The following LONRF1 variants were observed in gnomAD, a reference collection of about 807,000 sequenced individuals.
LONRF1 encodes the protein LON peptidase N-terminal domain and RING finger protein 1.
In LONRF1, 37 loss-of-function variants were observed where a neutral mutation model predicts 85.8. The ratio of observed to expected loss-of-function variants is 0.43; its 90% CI spans 0.33 to 0.57. The LOEUF is 0.57. Among genes scored for constraint, LONRF1 ranks in the 20% least tolerant of loss-of-function variants. The probability of loss-of-function intolerance (pLI) is 0.04; values close to 1 mark genes in which losing one functional copy is unlikely to be tolerated. For missense variants in LONRF1, 1,036 were observed against 978.0 expected (o/e 1.06, Z -0.79); for synonymous variants, 517 against 390.1 (o/e 1.33, Z -3.83).
chr8:12,731,967 T>G (rs914810627), intron 7 of LONRF1, 110 bp from the exon 8 acceptor site: 17 of 1,028,598 alleles, frequency 1.7e-5, no homozygotes, highest in Non-Finnish European at 2.4e-5. Context: ...ATACCATCAA[T>G]TCTGGATTAA....
intron 1 of LONRF1, among the ~76,000 whole-genome samples, chr8:12,745,005 A>G (rs1799089023): frequency 6.6e-6 from 1 of 152,062 alleles, no homozygotes; most frequent in East Asian, 1.9e-4. Context: ...ACCTTTATAC[A>G]GTTTCTTTAC....
chr8:12,739,341 C>CAAA (rs35823658), intron 3 of LONRF1, among the ~76,000 whole-genome samples: 3 of 106,094 alleles, frequency 2.8e-5, no homozygotes, highest in Non-Finnish European at 3.9e-5. Flanking sequence ...ATATGTTCAG[C>CAAA]AAAAAAAAAA....
At chr8:12,728,105 A>T (rs1385824948) in intron 10 of LONRF1, among the ~76,000 whole-genome samples, 1 of 152,218 alleles carries the variant, frequency 6.6e-6, no homozygotes, top group East Asian at 1.9e-4. Context: ...TGAAGGGCCT[A>T]AACAGATCAA....
intron 1 of LONRF1, among the ~76,000 whole-genome samples, chr8:12,750,317 G>A (rs1799329519): frequency 6.6e-6 from 1 of 152,192 alleles, no homozygotes; most frequent in Non-Finnish European, 1.5e-5. Flanking sequence ...AAGTTAGCAA[G>A]AGCCTCCCTT....
chr8:12,738,241 G>T, intron 3 of LONRF1, 97 bp from the exon 4 acceptor site: 1 of 830,756 alleles, frequency 1.2e-6, no homozygotes, highest in Non-Finnish European at 1.7e-6. Context: ...TAGAAAGTTT[G>T]TAGCAGACAT....
rs146507988 is a variant in LONRF1 at position 12,746,919 on chromosome 8, C to A, written c.722-3637G>T. ...GTTAATCGGTGCATAGTACTTAGAA[C>A]AGGGCTTGGTACATTGAAAGCATGG... On this transcript the variant is annotated intron_variant, in intron 1 of 11. Coordinates refer to ENST00000398246, the MANE Select transcript of LONRF1 (RefSeq NM_152271.5). 9.8e-4 allele frequency among the ~76,000 whole-genome samples: 150 copies of A among 152,312 alleles called. 3 individuals carry two copies. In the East Asian group the frequency reaches 0.027, roughly 27 times the overall value.
chr8:12,725,663 T>C lies in LONRF1; in HGVS notation c.2163+64A>G, dbSNP rs564676868. The stretch of plus-strand genomic sequence containing the variant: ...AGAAAGGACAATGAGAAAACAAATG[T>C]AGAAGTGTGCAAATTTGGGTTTATA... On this transcript the variant is annotated intron_variant, in intron 11 of 11. Transcript: ENST00000398246. The C allele has an allele frequency of 1.8e-4, 271 of 1,506,456 alleles. 3 individuals are homozygous for C. The Middle Eastern group carries it at 3.3e-3, about 19-fold the overall frequency. The allele number at this position is 1,506,456 out of a possible 1,614,324, so 93.3% of individuals were successfully genotyped here.
At chr8:12,746,545 T>G (rs1192002601) in intron 1 of LONRF1, among the ~76,000 whole-genome samples, 1 of 152,212 alleles carries the variant, frequency 6.6e-6, no homozygotes, top group Non-Finnish European at 1.5e-5. Context: ...AAGAGCATGA[T>G]CTGGCTCTTC....
intron 10 of LONRF1, among the ~76,000 whole-genome samples, chr8:12,726,733 C>T (rs1330394057): frequency 6.6e-6 from 1 of 152,174 alleles, no homozygotes; most frequent in Non-Finnish European, 1.5e-5. Flanking sequence ...CCAGGCCTGA[C>T]TCAGCCTTTC....
At chr8:12,738,406 C>A (rs1485397070) in intron 3 of LONRF1, among the ~76,000 whole-genome samples, 1 of 152,078 alleles carries the variant, frequency 6.6e-6, no homozygotes, top group Non-Finnish European at 1.5e-5. Context: ...AGGATAAAGG[C>A]TGATCTTTCA....
rs946591324 is a variant in LONRF1 at position 12,722,821 on chromosome 8, GTTC to G, written c.*272_*274del. On this transcript the variant is annotated 3_prime_UTR_variant, in exon 12 of 12. Transcript: ENST00000398246. Reference sequence around the variant, plus strand: ...ACACACTCTCTCACAGACATAAAGAGTTCTTATTTCATTTTAGAGTATGGTACA... The same window carrying G: ...ACACACTCTCTCACAGACATAAAGAGTTATTTCATTTTAGAGTATGGTACA... The G allele has an allele frequency of 9.8e-5, 28 of 285,002 alleles. No individual in the cohort carries two copies. Among genetic ancestry groups the G allele is most frequent in the South Asian group, 7.6e-4 (13 of 17,012 alleles). The allele number at this position is 285,002 out of a possible 1,614,324, so 17.7% of individuals were successfully genotyped here.
At chr8:12,724,978 T>C (rs1241018647) in intron 11 of LONRF1, among the ~76,000 whole-genome samples, 1 of 152,254 alleles carries the variant, frequency 6.6e-6, no homozygotes, top group African/African-American at 2.4e-5. Context: ...ACATATTTAC[T>C]GACAGCCATT....
At chr8:12,729,819 T>G (rs1798459626) in intron 8 of LONRF1, among the ~76,000 whole-genome samples, 1 of 152,138 alleles carries the variant, frequency 6.6e-6, no homozygotes, top group African/African-American at 2.4e-5. Flanking sequence ...GAAAACATAT[T>G]TTGATGAGAT....
At chr8:12,727,304 T>C (rs533885932) in intron 10 of LONRF1, 2 of 148,844 alleles carry the variant, frequency 1.3e-5, no homozygotes, top group East Asian at 4.0e-4. Flanking sequence ...AGCTCCATTT[T>C]AAAAGCAAGC....
intron 1 of LONRF1, chr8:12,754,315 A>C: frequency 1.9e-5 from 3 of 161,260 alleles, no homozygotes; most frequent in Non-Finnish European, 4.0e-5. Flanking sequence ...AATTCCCGGA[A>C]AGCGCGCGGC....
chr8:12,755,148 G>T lies in LONRF1; in HGVS notation c.273C>A (p.Asp91Glu). The T allele has an allele frequency of 7.0e-7, 1 of 1,432,542 alleles. No individual in the cohort carries two copies. Among genetic ancestry groups the T allele is most frequent in the Non-Finnish European group, 9.1e-7 (1 of 1,095,408 alleles). The allele number at this position is 1,432,542 out of a possible 1,614,324, so 88.7% of individuals were successfully genotyped here. The change falls in exon 1 of 12, where the codon GAC becomes GAA. Residue 91 changes from aspartate to glutamate, a missense_variant. Physicochemically the swap from Asp to Glu is conservative, Grantham distance 45. This residue lies in a region of LONRF1 where 742 missense variants were observed against 614.4 expected (regional missense o/e 1.21). Transcript: ENST00000398246. ...GGAGCCGGTAGTTGAACACCAGGCA[G>T]TCCACCAGGGCGCCCAGGCACTCGG... ...ARPECLGALVDCLVFNYRLRH... is the reference protein window; with the variant it reads ...ARPECLGALVECLVFNYRLRH...
At chr8:12,726,601 G>A (rs964849309) in intron 10 of LONRF1, among the ~76,000 whole-genome samples, 13 of 152,196 alleles carry the variant, frequency 8.5e-5, no homozygotes, top group South Asian at 8.3e-4. Context: ...GAGAACACAG[G>A]TGGGAAGATC....
intron 8 of LONRF1, 147 bp from the exon 9 acceptor site, chr8:12,729,479 G>A: frequency 1.4e-6 from 1 of 739,920 alleles, no homozygotes; most frequent in Non-Finnish European, 2.2e-6. Context: ...TTTATTCTTG[G>A]CAAGAACAAG....
At chr8:12,737,204 G>A in intron 4 of LONRF1, 64 bp from the exon 5 acceptor site, 1 of 1,559,190 alleles carries the variant, frequency 6.4e-7, no homozygotes, top group Non-Finnish European at 8.8e-7. Flanking sequence ...CTCTCACCAA[G>A]AATCAAACTG....
Sources: allele counts gnomAD v4.1 joint callset (sites outside exome capture counted in the v4.1 genomes callset), GRCh38; gene constraint gnomAD v4.1.1; regional missense constraint gnomAD v4.1.1; transcripts MANE v1.5; gene names NCBI Gene and HGNC (gene_info 2026-07-23, HGNC 2026-07-21).